ARK2N: variants seen among roughly 807,000 people sequenced by gnomAD.
The protein encoded by ARK2N is arkadia (RNF111) N-terminal like PKA signaling regulator 2N.
chr18:46,220,001 C>T, the ARK2N span, among the ~76,000 whole-genome samples: 27 of 152,186 alleles, frequency 1.8e-4, no homozygotes, highest in African/African-American at 6.5e-4. Context: ...ATACGTGCAT[C>T]GGTGTACATG....
chr18:46,177,871 C>A, the ARK2N span, among the ~76,000 whole-genome samples: 1 of 151,598 alleles, frequency 6.6e-6, no homozygotes, highest in Non-Finnish European at 1.5e-5. Context: ...CCGCTGCACT[C>A]CAGCCTGGGC....
the ARK2N span, among the ~76,000 whole-genome samples, chr18:46,214,327 A>G: frequency 3.3e-5 from 5 of 152,286 alleles, no homozygotes; most frequent in Middle Eastern, 3.4e-3. Context: ...TCTGTGACCT[A>G]TGGACATGAT....
At chr18:46,198,948 G>A in the ARK2N span, among the ~76,000 whole-genome samples, 54 of 152,208 alleles carry the variant, frequency 3.5e-4, no homozygotes, top group Non-Finnish European at 1.5e-5. Flanking sequence ...ATAGAAAAGA[G>A]TTCCTCATTC....
the ARK2N span, among the ~76,000 whole-genome samples, chr18:46,179,052 C>T: frequency 6.6e-6 from 1 of 151,948 alleles, no homozygotes; most frequent in Non-Finnish European, 1.5e-5. Context: ...AAGTGATTCT[C>T]CTGCCTCAGC....
chr18:46,194,728 C>A, the ARK2N span, among the ~76,000 whole-genome samples: 1 of 150,898 alleles, frequency 6.6e-6, no homozygotes, highest in Admixed American at 6.6e-5. Flanking sequence ...CCAGCCTTGG[C>A]CTCCCAAAGT....
the ARK2N span, chr18:46,215,977 G>A: frequency 6.2e-7 from 1 of 1,614,124 alleles, no homozygotes; most frequent in Non-Finnish European, 8.5e-7. Flanking sequence ...GGAGGAAGAT[G>A]GATCTGTAGA....
chr18:46,257,844 G>T, the ARK2N span, among the ~76,000 whole-genome samples: 1 of 152,100 alleles, frequency 6.6e-6, no homozygotes, highest in Admixed American at 6.5e-5. Flanking sequence ...GTGATCATTG[G>T]CGTTAATGTT....
chr18:46,241,153 G>T, the ARK2N span, among the ~76,000 whole-genome samples: 86 of 152,164 alleles, frequency 5.7e-4, no homozygotes, highest in Non-Finnish European at 1.0e-3. Context: ...GAACTCCATT[G>T]ATTGTTGTTG....
chr18:46,201,634 C>T, the ARK2N span, among the ~76,000 whole-genome samples: 1 of 152,080 alleles, frequency 6.6e-6, no homozygotes, highest in Non-Finnish European at 1.5e-5. Context: ...GATCTCCCAG[C>T]ATTGACCTAC....
At chr18:46,186,408 A>G in the ARK2N span, among the ~76,000 whole-genome samples, 3 of 150,368 alleles carry the variant, frequency 2.0e-5, no homozygotes, top group Non-Finnish European at 4.4e-5. Context: ...GTCGGCCAGG[A>G]TGGTCTCAAT....
chr18:46,186,200 A>G, the ARK2N span, among the ~76,000 whole-genome samples: 305 of 145,752 alleles, frequency 2.1e-3, 2 homozygotes, highest in Non-Finnish European at 3.3e-3. Context: ...ATTATCATGA[A>G]TTTTTTTTTT....
At chr18:46,202,617 G>A in the ARK2N span, among the ~76,000 whole-genome samples, 3 of 151,838 alleles carry the variant, frequency 2.0e-5, no homozygotes, top group Non-Finnish European at 4.4e-5. Flanking sequence ...GCGAAACCCC[G>A]TCTCTACTAA....
the ARK2N span, among the ~76,000 whole-genome samples, chr18:46,229,280 T>C: frequency 6.6e-6 from 1 of 152,294 alleles, no homozygotes; most frequent in Non-Finnish European, 1.5e-5. Context: ...GGTAGTGCAA[T>C]TAAAAAATTC....
the ARK2N span, among the ~76,000 whole-genome samples, chr18:46,257,448 C>A: frequency 6.6e-6 from 1 of 152,106 alleles, no homozygotes; most frequent in Non-Finnish European, 1.5e-5. Context: ...AGAAAGCATG[C>A]TTTCTGAGCT....
At chr18:46,205,234 A>G in the ARK2N span, among the ~76,000 whole-genome samples, 1 of 152,304 alleles carries the variant, frequency 6.6e-6, no homozygotes, top group Non-Finnish European at 1.5e-5. Context: ...TGGGAGCATT[A>G]TATCATTTTA....
chr18:46,219,147 A>T, the ARK2N span: 2 of 152,206 alleles, frequency 1.3e-5, no homozygotes, highest in Non-Finnish European at 2.9e-5. Context: ...AATGCAGACC[A>T]GTGTAGTGCA....
the ARK2N span, among the ~76,000 whole-genome samples, chr18:46,180,292 A>T: frequency 6.6e-6 from 1 of 152,184 alleles, no homozygotes; most frequent in Non-Finnish European, 1.5e-5. Flanking sequence ...GTTAAGTGAC[A>T]ATTAATCTAA....
chr18:46,216,846 G>C, the ARK2N span: 1 of 416,506 alleles, frequency 2.4e-6, no homozygotes, highest in Non-Finnish European at 4.4e-6. This position sits in a 1 kb window ranked among gnomAD's most constrained non-coding sequence, Gnocchi z 4.3. Context: ...TTAAGTAATG[G>C]AATTTCTCAT....
the ARK2N span, among the ~76,000 whole-genome samples, chr18:46,185,893 A>G: frequency 2.0e-5 from 3 of 152,192 alleles, no homozygotes; most frequent in Non-Finnish European, 4.4e-5. Context: ...AGGCTGAGGA[A>G]GGAGAATCGC....
Sources: allele counts gnomAD v4.1 joint callset (sites outside exome capture counted in the v4.1 genomes callset), GRCh38; gene constraint gnomAD v4.1.1; non-coding constraint Gnocchi (gnomAD v3.1); transcripts MANE v1.5; gene names NCBI Gene and HGNC (gene_info 2026-07-23, HGNC 2026-07-21).